AKAP19: variants seen among roughly 807,000 people sequenced by gnomAD.
AKAP19 encodes the protein A-kinase anchoring protein 19, also known as small A-kinase anchoring protein.
chr2:189,955,877 A>G, the AKAP19 span, among the ~76,000 whole-genome samples: 2 of 152,198 alleles, frequency 1.3e-5, no homozygotes, highest in East Asian at 3.8e-4. Flanking sequence ...TCCAATATAA[A>G]TATCTTAAAA....
At chr2:190,193,101 T>C in the AKAP19 span, among the ~76,000 whole-genome samples, 642 of 152,224 alleles carry the variant, frequency 4.2e-3, 5 homozygotes, top group African/African-American at 0.015. Context: ...AAAAGTGTTG[T>C]CTTTCACCAC....
chr2:190,026,575 G>A, the AKAP19 span, among the ~76,000 whole-genome samples: 2 of 152,162 alleles, frequency 1.3e-5, no homozygotes, highest in African/African-American at 2.4e-5. Flanking sequence ...CTTCTGCTTT[G>A]CAGCTACCAA....
chr2:189,958,668 A>G, the AKAP19 span, among the ~76,000 whole-genome samples: 1 of 151,246 alleles, frequency 6.6e-6, no homozygotes, highest in Non-Finnish European at 1.5e-5. Context: ...TTGTAGTAGC[A>G]CTGGGTAATA....
the AKAP19 span, among the ~76,000 whole-genome samples, chr2:189,991,286 T>C: frequency 6.6e-6 from 1 of 152,214 alleles, no homozygotes; most frequent in South Asian, 2.1e-4. Flanking sequence ...TTTTTGATAG[T>C]AGTTGTGCTA....
At chr2:190,130,811 C>T in the AKAP19 span, among the ~76,000 whole-genome samples, 3 of 152,196 alleles carry the variant, frequency 2.0e-5, no homozygotes, top group Admixed American at 6.5e-5. Context: ...TGCCAGAATA[C>T]GAAAATGTAT....
the AKAP19 span, among the ~76,000 whole-genome samples, chr2:190,158,512 T>C: frequency 2.0e-5 from 3 of 152,234 alleles, no homozygotes; most frequent in South Asian, 2.1e-4. Context: ...TCTATGTAAA[T>C]ATTTATATAC....
At chr2:190,169,113 G>C in the AKAP19 span, among the ~76,000 whole-genome samples, 1 of 152,152 alleles carries the variant, frequency 6.6e-6, no homozygotes, top group Non-Finnish European at 1.5e-5. Context: ...GACTGGGAAG[G>C]CCTCACAATG....
chr2:190,063,787 C>T, the AKAP19 span, among the ~76,000 whole-genome samples: 1 of 152,196 alleles, frequency 6.6e-6, no homozygotes, highest in Non-Finnish European at 1.5e-5. Context: ...AGTCTGGGAG[C>T]AGAGAATAGA....
At chr2:190,141,305 C>T in the AKAP19 span, among the ~76,000 whole-genome samples, 1 of 152,152 alleles carries the variant, frequency 6.6e-6, no homozygotes, top group Non-Finnish European at 1.5e-5. Context: ...AAGTCGCTTC[C>T]ACATTTTTAG....
the AKAP19 span, among the ~76,000 whole-genome samples, chr2:189,920,290 A>G: frequency 6.6e-6 from 1 of 152,214 alleles, no homozygotes; most frequent in Non-Finnish European, 1.5e-5. Flanking sequence ...CTTTTCTTGC[A>G]CTATCATTCT....
chr2:190,127,077 G>A, the AKAP19 span, among the ~76,000 whole-genome samples: 10 of 151,868 alleles, frequency 6.6e-5, no homozygotes, highest in South Asian at 2.1e-3. Flanking sequence ...GGGATATATA[G>A]CTGCACAAAG....
chr2:190,075,339 C>T, the AKAP19 span, among the ~76,000 whole-genome samples: 2 of 152,102 alleles, frequency 1.3e-5, no homozygotes, highest in South Asian at 4.1e-4. Context: ...TTCATGAACA[C>T]TTGAAAATAA....
chr2:190,200,310 G>A, the AKAP19 span: 1 of 640,218 alleles, frequency 1.6e-6, no homozygotes, highest in South Asian at 2.0e-5. Flanking sequence ...TGCATTTTAA[G>A]TACTTCTATG....
chr2:190,033,885 C>T, the AKAP19 span, among the ~76,000 whole-genome samples: 1 of 152,122 alleles, frequency 6.6e-6, no homozygotes, highest in Admixed American at 6.6e-5. Context: ...AGACCTCTCA[C>T]CATCTCTCCC....
At chr2:190,021,088 C>T in the AKAP19 span, among the ~76,000 whole-genome samples, 1 of 152,108 alleles carries the variant, frequency 6.6e-6, no homozygotes, top group Non-Finnish European at 1.5e-5. Context: ...CTACTCTGAA[C>T]ATGGATATCC....
the AKAP19 span, among the ~76,000 whole-genome samples, chr2:190,073,220 A>G: frequency 2.6e-5 from 4 of 152,190 alleles, no homozygotes; most frequent in African/African-American, 9.6e-5. Context: ...ACCTGTATGA[A>G]ATGAACATAT....
At chr2:189,967,852 A>AT in the AKAP19 span, among the ~76,000 whole-genome samples, 1 of 149,852 alleles carries the variant, frequency 6.7e-6, no homozygotes, top group South Asian at 2.1e-4. Flanking sequence ...AAAATTTGAA[A>AT]TTAAAAAAAA....
At chr2:190,054,435 G>A in the AKAP19 span, among the ~76,000 whole-genome samples, 6 of 152,034 alleles carry the variant, frequency 3.9e-5, no homozygotes, top group African/African-American at 1.4e-4. Context: ...CATAGGCAAG[G>A]ACTTCATGTC....
the AKAP19 span, chr2:190,203,013 T>A: frequency 6.1e-6 from 1 of 163,992 alleles, no homozygotes; most frequent in Non-Finnish European, 1.5e-5. Context: ...AAAAAAATGA[T>A]AATCACCTTA....
Sources: gnomAD v4.1 joint callset for allele counts (sites outside exome capture counted in the v4.1 genomes callset) on GRCh38, gnomAD v4.1.1 for gene constraint, MANE v1.5 for transcripts, NCBI Gene and HGNC (gene_info 2026-07-23, HGNC 2026-07-21) for gene names.